Variants in KCNA2 observed in about 807,000 individuals in gnomAD.
The protein encoded by KCNA2 is potassium channel, voltage gated shaker related subfamily A, member 2.
In KCNA2, 11 loss-of-function variants were observed where a neutral mutation model predicts 33.4. That is an observed-to-expected ratio of 0.33 (90% CI 0.21 to 0.55). The LOEUF is 0.55. Among genes scored for constraint, KCNA2 ranks in the 20% least tolerant of loss-of-function variants. The pLI is 0.93. For missense variants in KCNA2, 291 were observed against 621.6 expected (o/e 0.47, Z 5.66); for synonymous variants, 222 against 231.3 (o/e 0.96, Z 0.37).
intron 1 of KCNA2, among the ~76,000 whole-genome samples, chr1:110,625,373 A>G (rs1039023887): frequency 3.3e-5 from 5 of 152,208 alleles, no homozygotes; most frequent in Admixed American, 6.5e-5. Flanking sequence ...GACATCTCAT[A>G]TAACAATGAG....
intron 1 of KCNA2, among the ~76,000 whole-genome samples, chr1:110,624,549 T>A (rs141630743): frequency 5.9e-5 from 9 of 152,302 alleles, no homozygotes; most frequent in African/African-American, 2.2e-4. Context: ...TATAAATCTA[T>A]AAATTTACCA....
intron 1 of KCNA2, among the ~76,000 whole-genome samples, chr1:110,620,065 A>C (rs1051844893): frequency 7.0e-4 from 99 of 141,208 alleles, no homozygotes; most frequent in African/African-American, 2.7e-3. Flanking sequence ...AGAGAGAGAG[A>C]GAGAGAGAGA....
At chr1:110,605,060 C>A in intron 2 of KCNA2, 115 bp from the exon 3 acceptor site, 2 of 470,652 alleles carry the variant, frequency 4.2e-6, no homozygotes, top group Admixed American at 3.9e-5. Flanking sequence ...TGATCACCAC[C>A]ACCACAACGA....
At chr1:110,616,992 A>G (rs1650088385) in intron 1 of KCNA2, among the ~76,000 whole-genome samples, 1 of 152,248 alleles carries the variant, frequency 6.6e-6, no homozygotes, top group East Asian at 1.9e-4. Context: ...ATGGAAATTG[A>G]GAGATGTCTT....
Position 110,603,742 on chromosome 1 carries a change from A to T in KCNA2, c.1041T>A (p.Tyr347Ter). ...ACTCTCGCTCATCGGCCTCTGCAAA[A>T]TACACAGCACTAGAGAAAAGGATGA... is the stretch of plus-strand genomic sequence containing the variant. The part of the protein sequence containing the change: ...IGVILFSSAV[Y>*]FAEADERESQ... Residue 347 changes from tyrosine (Y) to a stop codon, truncating the protein, a stop_gained, in exon 3 of 3, where the codon TAT becomes TAA. Coordinates refer to ENST00000316361, the MANE Select transcript of KCNA2 (RefSeq NM_004974.4). LOFTEE classifies it high-confidence loss of function. The surrounding 1 kb of genome is among the most constrained non-coding windows in gnomAD (Gnocchi z 5.7). The T allele has an allele frequency of 6.2e-7, 1 of 1,614,024 alleles. No individual in the cohort carries two copies.
chr1:110,613,343 G>A (rs1649939398), intron 1 of KCNA2, among the ~76,000 whole-genome samples: 1 of 152,254 alleles, frequency 6.6e-6, no homozygotes, highest in African/African-American at 2.4e-5. Flanking sequence ...CTAGGTGGAA[G>A]CACCCTGAGG....
chr1:110,603,025 G>T lies in KCNA2; in HGVS notation c.*258C>A. The T allele has an allele frequency of 7.4e-7, 1 of 1,346,942 alleles. No homozygotes were observed. Among genetic ancestry groups the T allele is most frequent in the African/African-American group, 1.5e-5 (1 of 67,886 alleles). 83.4% of individuals were successfully genotyped at this position (1,346,942 alleles called of 1,614,324 possible). A position where few individuals can be genotyped will look rare whatever the true frequency, so the allele number is the denominator to read the frequency against. The stretch of plus-strand genomic sequence containing the variant: ...GTATGGGATATGAGGTGGCCTCAAC[G>T]TGTCTATCTGAAATCCTAGCTTGAT... On this transcript the variant is annotated 3_prime_UTR_variant, in exon 3 of 3. Transcript: ENST00000316361. The surrounding 1 kb of genome is among the most constrained non-coding windows in gnomAD (Gnocchi z 5.7).
In KCNA2 at chr1:110,604,224, T is replaced by C. The variant is rs781228990; in HGVS notation, c.559A>G (p.Ile187Val). ...ATGTCTTCATTCTCATCCCGGAAGATGGGCAATGTTTCCAGACAGAAGCTG... is the reference window on the plus strand; with the variant it reads ...ATGTCTTCATTCTCATCCCGGAAGACGGGCAATGTTTCCAGACAGAAGCTG... ...IVSFCLETLP[I>V]FRDENEDMHG... The change falls in exon 3 of 3, where the codon ATC (isoleucine) becomes GTC (valine). Residue 187 changes from isoleucine (I) to valine (V), a missense_variant. By Grantham distance (29) the Ile-to-Val change is conservative (BLOSUM62 3). Coordinates refer to ENST00000316361, the MANE Select transcript of KCNA2 (RefSeq NM_004974.4). This position sits in a 1 kb window ranked among gnomAD's most constrained non-coding sequence, Gnocchi z 7.6. 6.2e-6 allele frequency: 10 copies of C among 1,614,040 alleles called. No homozygotes were observed. The African/African-American group carries it at 6.7e-5, about 11-fold the overall frequency.
intron 1 of KCNA2, among the ~76,000 whole-genome samples, chr1:110,617,557 G>A (rs941029905): frequency 6.6e-6 from 1 of 152,216 alleles, no homozygotes; most frequent in Admixed American, 6.5e-5. Context: ...AGCAGAGGCA[G>A]GAAACTGGTA....
chr1:110,611,143 G>T (rs1649858629), upstream of KCNA2, among the ~76,000 whole-genome samples: 1 of 152,180 alleles, frequency 6.6e-6, no homozygotes, highest in Non-Finnish European at 1.5e-5. Flanking sequence ...CCATGGAGGT[G>T]CATGGAGAAG....
chr1:110,610,656 C>T (rs1649832320), upstream of KCNA2, among the ~76,000 whole-genome samples: 2 of 152,190 alleles, frequency 1.3e-5, no homozygotes. Flanking sequence ...TTCTACTGCC[C>T]ACTTTTACTG....
At chr1:110,606,854 G>C (rs1649662910), upstream of KCNA2, 2 of 152,336 alleles carry the variant, frequency 1.3e-5, no homozygotes, top group Admixed American at 1.3e-4. Flanking sequence ...AAAGCCGTTT[G>C]TTATTCTGTG....
intron 1 of KCNA2, among the ~76,000 whole-genome samples, chr1:110,625,602 A>G (rs61784715): frequency 0.041 from 6,195 of 152,320 alleles, 148 homozygotes; most frequent in Middle Eastern, 0.071. Flanking sequence ...GATAAATTCA[A>G]TTACAACAAC....
Position 110,604,063 on chromosome 1 carries a change from C to A in KCNA2, c.720G>T (p.Arg240Ser). ...IIWFSFEFLV[R>S]FFACPSKAGF... ...CGGCTTTGCTGGGACAGGCAAAGAA[C>A]CTCACCAAGAATTCAAAGGAGAACC... The change falls in exon 3 of 3, where the codon AGG becomes AGT. Residue 240 changes from arginine to serine, a missense_variant. By Grantham distance (110) the Arg-to-Ser change is moderately radical (BLOSUM62 -1). Around this residue, in one of 5 missense-constraint regions of KCNA2, gnomAD observed 43 missense variants for 159.4 expected, o/e 0.27. Coordinates refer to ENST00000316361, the MANE Select transcript of KCNA2 (RefSeq NM_004974.4). This position sits in a 1 kb window ranked among gnomAD's most constrained non-coding sequence, Gnocchi z 7.6. 6.2e-7 allele frequency: 1 copy of A among 1,614,096 alleles called. No homozygotes were observed. Among genetic ancestry groups the A allele is most frequent in the African/African-American group, 1.3e-5 (1 of 75,030 alleles).
chr1:110,609,929 G>A (rs761286118), upstream of KCNA2, among the ~76,000 whole-genome samples: 16 of 152,166 alleles, frequency 1.1e-4, no homozygotes, highest in Admixed American at 2.6e-4. Context: ...CTAGTTGGTC[G>A]AATGGGAGAG....
At chr1:110,620,595 G>A (rs1207822261) in intron 1 of KCNA2, among the ~76,000 whole-genome samples, 6 of 152,152 alleles carry the variant, frequency 3.9e-5, no homozygotes, top group African/African-American at 1.4e-4. Context: ...GGCAGGGCAT[G>A]AATTGATGGT....
chr1:110,602,554 C>A lies in KCNA2; in HGVS notation c.*729G>T. ...CCTGCAAAAATGGTGAAATCAGAGG[C>A]TTAGAGGTCTGTTGGTTTGTTAGCT... On this transcript the variant is annotated 3_prime_UTR_variant, in exon 3 of 3. Coordinates refer to ENST00000316361, the MANE Select transcript of KCNA2 (RefSeq NM_004974.4). 1 of 1,049,580 alleles carries A rather than the reference C, an allele frequency of 9.5e-7. No individual in the cohort carries two copies. Among genetic ancestry groups the A allele is most frequent in the Non-Finnish European group, 1.1e-6 (1 of 870,736 alleles). 65.0% of individuals were successfully genotyped at this position (1,049,580 alleles called of 1,614,324 possible).
Position 110,595,292 on chromosome 1 carries a change from G to A in KCNA2, c.*7991C>T. On this transcript the variant is annotated 3_prime_UTR_variant, in exon 3 of 3. Coordinates refer to ENST00000316361, the MANE Select transcript of KCNA2 (RefSeq NM_004974.4). ...TAGACTATTTTAGGAGTGCAGAGGAGCACAGAAAGTTATATCCATTTCCAT... is the reference window on the plus strand; with the variant it reads ...TAGACTATTTTAGGAGTGCAGAGGAACACAGAAAGTTATATCCATTTCCAT... 6 of 985,424 alleles carry A rather than the reference G, an allele frequency of 6.1e-6. No homozygotes were observed. The highest frequency in any genetic ancestry group is 7.2e-6 in the Non-Finnish European group (6 of 829,940). The allele number at this position is 985,424 out of a possible 1,614,324, so 61.0% of individuals were successfully genotyped here.
In KCNA2 at chr1:110,596,801, C is replaced by T; in HGVS notation, c.*6482G>A. The T allele has an allele frequency of 2.0e-6, 2 of 985,396 alleles. No individual in the cohort carries two copies. The highest frequency in any genetic ancestry group is 2.4e-6 in the Non-Finnish European group (2 of 829,938). 61.0% of individuals were successfully genotyped at this position (985,396 alleles called of 1,614,324 possible). The stretch of plus-strand genomic sequence containing the variant: ...GATGTTCCTGTCCCTGAGGTTTCCC[C>T]ATCAGTTAACTGAGGTTTTGCTGTA... On this transcript the variant is annotated 3_prime_UTR_variant, in exon 3 of 3. Coordinates refer to ENST00000316361, the MANE Select transcript of KCNA2 (RefSeq NM_004974.4).
Sources: gnomAD v4.1 joint callset for allele counts (sites outside exome capture counted in the v4.1 genomes callset) on GRCh38, gnomAD v4.1.1 for gene constraint, gnomAD v4.1.1 regional missense constraint, Gnocchi (gnomAD v3.1) non-coding constraint, MANE v1.5 for transcripts, NCBI Gene and HGNC (gene_info 2026-07-23, HGNC 2026-07-21) for gene names.